The following FAM171B variants were observed in gnomAD, a reference collection of about 807,000 sequenced individuals.
FAM171B encodes protein FAM171B.
FAM171B carries 19 observed loss-of-function variants against 75.6 expected under a neutral mutation model. The ratio of observed to expected loss-of-function variants is 0.25; its 90% CI spans 0.18 to 0.37. The LOEUF is 0.37. Ranked by LOEUF, FAM171B falls within the 10% of genes least tolerant of loss-of-function variation. The pLI, the probability that FAM171B is intolerant of heterozygous loss-of-function variation, is 1.00. For synonymous variants in FAM171B, 367 were observed against 361.7 expected (o/e 1.01, Z -0.17); for missense variants, 848 against 982.4 (o/e 0.86, Z 1.83).
intron 1 of FAM171B, among the ~76,000 whole-genome samples, chr2:186,726,580 G>A (rs1282066996): frequency 6.6e-6 from 1 of 151,944 alleles, no homozygotes; most frequent in Non-Finnish European, 1.5e-5. Flanking sequence ...TAGGGAAATC[G>A]TGCTAGTACC....
chr2:186,752,593 G>T (rs990656639), intron 5 of FAM171B, among the ~76,000 whole-genome samples: 1 of 152,134 alleles, frequency 6.6e-6, no homozygotes, highest in Non-Finnish European at 1.5e-5. Flanking sequence ...CTTAAAAAAA[G>T]AATATCTGCT....
In FAM171B at chr2:186,763,005, C is replaced by T. The variant is rs1690645957; in HGVS notation, c.*182C>T. 1 of 685,492 alleles carries T rather than the reference C, an allele frequency of 1.5e-6. No individual in the cohort carries two copies. The allele number at this position is 685,492 out of a possible 1,614,324, so 42.5% of individuals were successfully genotyped here. A position where few individuals can be genotyped will look rare whatever the true frequency, so the allele number is the denominator to read the frequency against. On this transcript the variant is annotated 3_prime_UTR_variant, in exon 8 of 8. Transcript: ENST00000304698. The stretch of plus-strand genomic sequence containing the variant: ...GATACCAAGGAATGCTTTTTCTGGC[C>T]TATTCATTTATTTTTGGGTGATGAA...
intron 1 of FAM171B, among the ~76,000 whole-genome samples, chr2:186,719,254 A>G (rs1689916696): frequency 6.6e-6 from 1 of 152,246 alleles, no homozygotes; most frequent in South Asian, 2.1e-4. Context: ...TTTCTAAAAG[A>G]CATGCCGAAG....
Position 186,762,447 on chromosome 2 carries a change from A to C in FAM171B, c.2105A>C (p.Asp702Ala). The change falls in exon 8 of 8, where the codon GAC (aspartate) becomes GCC (alanine). Residue 702 changes from aspartate to alanine, a missense_variant. By Grantham distance (126) the Asp-to-Ala change is moderately radical. Transcript: ENST00000304698. The surrounding 1 kb of genome is among the most constrained non-coding windows in gnomAD (Gnocchi z 4.0). ...AAGGGCAAGAGAACCCAGAGCAATG[A>C]CACCAGTCTGGACTCTGGGGTGGAC... ...LKKGKRTQSN[D>A]TSLDSGVDMN... 6.2e-7 allele frequency: 1 copy of C among 1,613,660 alleles called. No homozygotes were observed. Among genetic ancestry groups the C allele is most frequent in the Non-Finnish European group, 8.5e-7 (1 of 1,179,800 alleles).
At chr2:186,753,073 T>C (rs1690479900) in intron 5 of FAM171B, among the ~76,000 whole-genome samples, 1 of 152,256 alleles carries the variant, frequency 6.6e-6, no homozygotes, top group Admixed American at 6.5e-5. Flanking sequence ...AGATAAGAGC[T>C]ATCTTAATAT....
chr2:186,709,280 C>T (rs1015008702), intron 1 of FAM171B, among the ~76,000 whole-genome samples: 12 of 152,156 alleles, frequency 7.9e-5, no homozygotes, highest in Non-Finnish European at 1.5e-4. Flanking sequence ...CAGGGACATA[C>T]ATCCAAACTT....
At chr2:186,695,748 G>T (rs1347086986) in intron 1 of FAM171B, among the ~76,000 whole-genome samples, 2 of 152,150 alleles carry the variant, frequency 1.3e-5, no homozygotes, top group Non-Finnish European at 2.9e-5. Flanking sequence ...AGTGTATGGT[G>T]GTTTTCCTAC....
At chr2:186,698,393 T>C (rs1689610960) in intron 1 of FAM171B, among the ~76,000 whole-genome samples, 2 of 152,200 alleles carry the variant, frequency 1.3e-5, no homozygotes, top group South Asian at 4.1e-4. Context: ...ATATAGAAAG[T>C]AAACAGGATA....
chr2:186,709,092 CGAGA>C (rs998449857), intron 1 of FAM171B, among the ~76,000 whole-genome samples: 1 of 151,534 alleles, frequency 6.6e-6, no homozygotes, highest in African/African-American at 2.4e-5. Context: ...AAAGAAGGAC[CGAGA>C]GAGAGAGAGT....
intron 1 of FAM171B, among the ~76,000 whole-genome samples, chr2:186,698,269 C>T (rs562183677): frequency 6.6e-5 from 10 of 152,222 alleles, no homozygotes; most frequent in Admixed American, 5.2e-4. Flanking sequence ...ATAGAAATGT[C>T]TTTTCAGTAC....
Position 186,726,623 on chromosome 2 carries a change from A to AT in FAM171B, c.239-13598dup, listed in dbSNP as rs200985011. On this transcript the variant is annotated intron_variant, in intron 1 of 7. Coordinates refer to ENST00000304698, the MANE Select transcript of FAM171B (RefSeq NM_177454.4). ...AAAGACTCGTAAAACTACTTTGATG[A>AT]TTTTTTTATAGTAGTAAAAATAAAA... Among the ~76,000 whole-genome samples the AT allele has an allele frequency of 8.7e-4, 132 of 152,078 alleles. 1 individual carries two copies. The highest frequency in any genetic ancestry group is 2.9e-3 in the African/African-American group (122 of 41,472).
intron 1 of FAM171B, among the ~76,000 whole-genome samples, chr2:186,709,503 T>G (rs1574097886): frequency 6.6e-6 from 1 of 152,178 alleles, no homozygotes; most frequent in African/African-American, 2.4e-5. Context: ...GGATCTACTA[T>G]GAGCTAGCAA....
intron 1 of FAM171B, among the ~76,000 whole-genome samples, chr2:186,699,089 G>A (rs964030537): frequency 1.3e-5 from 2 of 152,060 alleles, no homozygotes; most frequent in African/African-American, 2.4e-5. Flanking sequence ...CAATAAACAT[G>A]GCAGTACAGA....
chr2:186,702,877 A>ATG (rs1689683021), intron 1 of FAM171B, among the ~76,000 whole-genome samples: 1 of 152,108 alleles, frequency 6.6e-6, no homozygotes. Flanking sequence ...TTTCATTTAT[A>ATG]TGTGACATTT....
intron 1 of FAM171B, among the ~76,000 whole-genome samples, chr2:186,712,152 A>T (rs941787185): frequency 6.6e-6 from 1 of 152,138 alleles, no homozygotes; most frequent in Admixed American, 6.6e-5. Flanking sequence ...ATCTTTTGTT[A>T]TTTATGTATT....
At chr2:186,732,184 T>C (rs1444727228) in intron 1 of FAM171B, among the ~76,000 whole-genome samples, 1 of 152,172 alleles carries the variant, frequency 6.6e-6, no homozygotes, top group African/African-American at 2.4e-5. Flanking sequence ...TTTTGTTGTT[T>C]TTTAAACCCA....
intron 1 of FAM171B, 56 bp from the exon 2 acceptor site, chr2:186,740,172 A>G: frequency 7.9e-7 from 1 of 1,258,164 alleles, no homozygotes; most frequent in Non-Finnish European, 1.2e-6. Context: ...TTTAAAGACT[A>G]TGACATATGC....
intron 1 of FAM171B, among the ~76,000 whole-genome samples, chr2:186,733,418 T>C (rs1388837136): frequency 1.3e-5 from 2 of 152,102 alleles, no homozygotes; most frequent in African/African-American, 2.4e-5. Context: ...CCCCCAAGAA[T>C]TTGGAGGTTT....
rs1690616115 is a variant in FAM171B, at chr2:186,761,573, C to T, written c.1231C>T (p.His411Tyr). 4 of 1,611,078 alleles carry T rather than the reference C, an allele frequency of 2.5e-6. No homozygotes were observed. The East Asian group carries it at 6.7e-5, about 27-fold the overall frequency. Residue 411 changes from histidine (H) to tyrosine (Y), a missense_variant, in exon 8 of 8, where the codon CAT (histidine) becomes TAT (tyrosine). Physicochemically the swap from His to Tyr is moderately conservative, Grantham distance 83. Coordinates refer to ENST00000304698, the MANE Select transcript of FAM171B (RefSeq NM_177454.4). ...DQTTSTTHIN[H>Y]ISTVKVALKA... is the part of the protein sequence containing the mutation. ...GACAACTTCAACAACACACATAAAT[C>T]ATATCAGTACAGTTAAAGTTGCATT...
Sources: gnomAD v4.1 joint callset for allele counts (sites outside exome capture counted in the v4.1 genomes callset) on GRCh38, gnomAD v4.1.1 for gene constraint, Gnocchi (gnomAD v3.1) non-coding constraint, MANE v1.5 for transcripts, NCBI Gene and HGNC (gene_info 2026-07-23, HGNC 2026-07-21) for gene names.